The following IGSF11 variants were observed in gnomAD, a reference collection of about 807,000 sequenced individuals.
IGSF11 encodes the protein immunoglobulin superfamily member 11, also known as CXADR like 1.
IGSF11 carries 22 observed loss-of-function variants against 41.0 expected under a neutral mutation model. That is an observed-to-expected ratio of 0.54 (90% confidence interval 0.38 to 0.77). IGSF11 has a LOEUF of 0.77. Among genes scored for constraint, IGSF11 ranks in the 30% least tolerant of loss-of-function variants. The probability of loss-of-function intolerance (pLI) is 0.00; values close to 1 mark genes in which losing one functional copy is unlikely to be tolerated. For missense variants in IGSF11, 444 were observed against 530.8 expected (o/e 0.84, Z 1.61); for synonymous variants, 219 against 201.3 (o/e 1.09, Z -0.74).
At chr3:119,013,076 A>G (rs1938315874) in intron 1 of IGSF11, 1 of 152,286 alleles carries the variant, frequency 6.6e-6, no homozygotes, top group South Asian at 2.1e-4. Context: ...CTGCTTACCC[A>G]TTCTCTTTGC....
At chr3:118,948,748 G>A (rs1355621896) in intron 1 of IGSF11, among the ~76,000 whole-genome samples, 4 of 152,032 alleles carry the variant, frequency 2.6e-5, no homozygotes, top group Non-Finnish European at 4.4e-5. Context: ...GGCAGATCAC[G>A]AGGTCAGGAG....
chr3:118,947,663 C>A (rs945842968), intron 1 of IGSF11: 2 of 152,178 alleles, frequency 1.3e-5, no homozygotes, highest in Admixed American at 6.5e-5. Flanking sequence ...ATAAAGAACA[C>A]ACCTTTGTAA....
chr3:119,080,787 T>C (rs1292725221), intron 1 of IGSF11, among the ~76,000 whole-genome samples: 1 of 152,160 alleles, frequency 6.6e-6, no homozygotes, highest in East Asian at 1.9e-4. Flanking sequence ...TTATCCTAAG[T>C]ACTATTTGAA....
chr3:118,952,669 G>A (rs1032361167), intron 1 of IGSF11, among the ~76,000 whole-genome samples: 1 of 151,950 alleles, frequency 6.6e-6, no homozygotes, highest in Non-Finnish European at 1.5e-5. Flanking sequence ...TCAAACTAGG[G>A]TATAAATATT....
At chr3:119,107,484 T>A (rs1347096026), upstream of IGSF11, among the ~76,000 whole-genome samples, 2 of 152,314 alleles carry the variant, frequency 1.3e-5, no homozygotes, top group Admixed American at 1.3e-4. Context: ...ATTCTGGATA[T>A]TAGCCCTTTG....
intron 1 of IGSF11, among the ~76,000 whole-genome samples, chr3:118,945,530 T>C (rs1944057431): frequency 6.6e-6 from 1 of 151,858 alleles, no homozygotes; most frequent in Non-Finnish European, 1.5e-5. Flanking sequence ...CAAAAATTGG[T>C]AGGAAATGAA....
intron 1 of IGSF11, among the ~76,000 whole-genome samples, chr3:119,110,553 G>A (rs983512351): frequency 2.2e-4 from 34 of 152,140 alleles, no homozygotes; most frequent in Non-Finnish European, 4.0e-4. Flanking sequence ...CAATTTGCCA[G>A]TCTGTGTCTT....
chr3:119,050,097 T>G (rs1198580722), intron 1 of IGSF11, among the ~76,000 whole-genome samples: 3 of 149,548 alleles, frequency 2.0e-5, no homozygotes, highest in African/African-American at 7.4e-5. Context: ...GGGCAAGGAC[T>G]TCATGTCTAA....
intron 1 of IGSF11, among the ~76,000 whole-genome samples, chr3:119,137,525 G>A (rs1410791617): frequency 6.6e-6 from 1 of 152,168 alleles, no homozygotes; most frequent in Non-Finnish European, 1.5e-5. Context: ...ATATACAGGA[G>A]AATGAAACTG....
At chr3:119,044,196 T>C (rs1376506449) in intron 1 of IGSF11, among the ~76,000 whole-genome samples, 2 of 151,864 alleles carry the variant, frequency 1.3e-5, no homozygotes, top group African/African-American at 4.8e-5. Context: ...TCCAGAGAAA[T>C]AGACATCATA....
At chr3:119,127,305 AAGACATGC>A (rs1469322670) in intron 1 of IGSF11, among the ~76,000 whole-genome samples, 1 of 151,756 alleles carries the variant, frequency 6.6e-6, no homozygotes, top group Non-Finnish European at 1.5e-5. Context: ...TTACTGAAAT[AAGACATGC>A]AGACAAGAAT....
chr3:118,937,398 T>C (rs1943365091), intron 1 of IGSF11, among the ~76,000 whole-genome samples: 1 of 152,216 alleles, frequency 6.6e-6, no homozygotes, highest in Admixed American at 6.5e-5. Context: ...AGTGTTGTAG[T>C]AGTTTTTTAA....
chr3:118,917,418 A>C (rs1456290491), intron 4 of IGSF11, among the ~76,000 whole-genome samples: 4 of 148,628 alleles, frequency 2.7e-5, no homozygotes, highest in African/African-American at 1.0e-4. Flanking sequence ...AAAAATGATA[A>C]AGGGGTATCA....
upstream of IGSF11, among the ~76,000 whole-genome samples, chr3:119,109,622 C>T (rs1383477878): frequency 6.6e-6 from 1 of 152,022 alleles, no homozygotes; most frequent in Non-Finnish European, 1.5e-5. Flanking sequence ...TATTTCTTGC[C>T]TTCTGCTAGC....
At chr3:118,985,896 G>C (rs1559745666) in intron 1 of IGSF11, among the ~76,000 whole-genome samples, 1 of 152,040 alleles carries the variant, frequency 6.6e-6, no homozygotes, top group African/African-American at 2.4e-5. Context: ...ATTTGATCTT[G>C]TCACAACCTC....
intron 1 of IGSF11, among the ~76,000 whole-genome samples, chr3:119,088,809 T>C (rs1288394301): frequency 6.6e-6 from 1 of 152,132 alleles, no homozygotes; most frequent in Admixed American, 6.6e-5. Context: ...GAGACTCCTA[T>C]GAACAACTCT....
chr3:119,139,735 A>G (rs1217246515), intron 1 of IGSF11, among the ~76,000 whole-genome samples: 3 of 152,306 alleles, frequency 2.0e-5, no homozygotes, highest in Admixed American at 6.5e-5. Context: ...GATGTTATAA[A>G]CACACTTTTC....
intron 1 of IGSF11, among the ~76,000 whole-genome samples, chr3:118,992,332 A>G (rs1325279023): frequency 1.3e-5 from 2 of 152,220 alleles, no homozygotes; most frequent in Non-Finnish European, 2.9e-5. Context: ...AATTTTATCC[A>G]ACTACTCTCC....
At chr3:119,068,396 G>T (rs1341267135) in intron 1 of IGSF11, among the ~76,000 whole-genome samples, 1 of 152,186 alleles carries the variant, frequency 6.6e-6, no homozygotes, top group African/African-American at 2.4e-5. Flanking sequence ...GATATTAGGT[G>T]GGCAGCTAGC....
Sources: allele counts gnomAD v4.1 joint callset (sites outside exome capture counted in the v4.1 genomes callset), GRCh38; gene constraint gnomAD v4.1.1; transcripts MANE v1.5; gene names NCBI Gene and HGNC (gene_info 2026-07-23, HGNC 2026-07-21).